FCN2: variants seen among roughly 807,000 people sequenced by gnomAD.
The protein encoded by FCN2 is ficolin 2, also known as ficolin-2.
In FCN2, 31 loss-of-function variants were observed where a neutral mutation model predicts 32.5. That is an observed-to-expected ratio of 0.96 (90% CI 0.72 to 1.29). FCN2 has a LOEUF of 1.29. Among genes scored for constraint, FCN2 ranks in the 50% most tolerant of loss-of-function variants. The probability of loss-of-function intolerance (pLI) is 0.00; values close to 1 mark genes in which losing one functional copy is unlikely to be tolerated. For missense variants in FCN2, 412 were observed against 406.5 expected, an observed-to-expected ratio of 1.01 and a Z score of -0.12; for synonymous variants, 181 against 164.5, an observed-to-expected ratio of 1.10 and a Z score of -0.77.
At chr9:134,873,475 C>T in the FCN2 span, among the ~76,000 whole-genome samples, 1 of 152,128 alleles carries the variant, frequency 6.6e-6, no homozygotes, top group Admixed American at 6.5e-5. Flanking sequence ...CCTTTTCCTC[C>T]CTGACCCTAA....
chr9:134,873,297 A>C, the FCN2 span, among the ~76,000 whole-genome samples: 1 of 152,294 alleles, frequency 6.6e-6, no homozygotes, highest in Admixed American at 6.5e-5. Flanking sequence ...GGAAGTCAGA[A>C]GCCTAAAATC....
the FCN2 span, among the ~76,000 whole-genome samples, chr9:134,868,055 A>G: frequency 1.3e-5 from 2 of 152,190 alleles, no homozygotes; most frequent in African/African-American, 4.8e-5. The surrounding 1 kb of genome is among the most constrained non-coding windows in gnomAD (Gnocchi z 4.3). Flanking sequence ...GACACACAGC[A>G]CTGAGGACAT....
the FCN2 span, among the ~76,000 whole-genome samples, chr9:134,874,620 A>G: frequency 6.6e-6 from 1 of 152,194 alleles, no homozygotes; most frequent in Non-Finnish European, 1.5e-5. Context: ...GATGCTTTAT[A>G]ATAATTCTTG....
At chr9:134,868,720 C>A in the FCN2 span, among the ~76,000 whole-genome samples, 7 of 152,218 alleles carry the variant, frequency 4.6e-5, no homozygotes, top group Non-Finnish European at 7.3e-5. This position sits in a 1 kb window ranked among gnomAD's most constrained non-coding sequence, Gnocchi z 4.3. Flanking sequence ...GCCATCAGTG[C>A]TTGCTTGCCT....
chr9:134,882,675 C>T (rs752345319), intron 2 of FCN2, 36 bp downstream of exon 2: 60 of 1,452,726 alleles, frequency 4.1e-5, no homozygotes, highest in Admixed American at 1.9e-4. Context: ...CTGGCTCTTG[C>T]TCTTTTTGAA....
upstream of FCN2, among the ~76,000 whole-genome samples, chr9:134,880,396 T>G (rs1830645576): frequency 6.6e-6 from 1 of 152,188 alleles, no homozygotes; most frequent in African/African-American, 2.4e-5. Flanking sequence ...CCCACACCAG[T>G]GGCCCATGAC....
At chr9:134,865,393 G>A in the FCN2 span, among the ~76,000 whole-genome samples, 1 of 152,220 alleles carries the variant, frequency 6.6e-6, no homozygotes, top group African/African-American at 2.4e-5. Flanking sequence ...GCTCGTGGTG[G>A]ACCAGGGGCC....
the FCN2 span, among the ~76,000 whole-genome samples, chr9:134,874,381 A>C: frequency 6.6e-6 from 1 of 151,986 alleles, no homozygotes; most frequent in Admixed American, 6.6e-5. Flanking sequence ...ATCTATTTCA[A>C]ATTCATTTTT....
At position 134,887,379 on chromosome 9, in the gene FCN2, C is replaced by T. The variant is rs1830775934; in HGVS notation, c.906C>T (p.Ser302=). The part of the protein sequence containing the change: ...NWKSGKGYNY[S]YKVSEMKVRP... ...AGTCGGGGAAAGGATACAATTATAG[C>T]TACAAGGTGTCAGAGATGAAGGTGC... Residue 302 remains serine, a synonymous_variant, in exon 8 of 8, where the codon AGC becomes AGT. Coordinates refer to ENST00000291744, the MANE Select transcript of FCN2 (RefSeq NM_004108.3). The T allele has an allele frequency of 4.3e-6, 7 of 1,614,012 alleles. No homozygotes were observed. The highest frequency in any genetic ancestry group is 1.7e-6 in the Non-Finnish European group (2 of 1,180,024).
chr9:134,882,565 C>T lies in FCN2; in HGVS notation c.140C>T (p.Thr47Ile), dbSNP rs570921802. ...GGCCTGGAGGGCTCTGACAAGCTCA[C>T]CATTCTCCGAGGCTGTCCGGGGCTG... is the stretch of plus-strand genomic sequence containing the variant. ...MVGLEGSDKL[T>I]ILRGCPGLPG... The change falls in exon 2 of 8, where the codon ACC (threonine) becomes ATC (isoleucine). Residue 47 changes from threonine (T) to isoleucine (I), a missense_variant. Transcript: ENST00000291744. 4 of 1,614,210 alleles carry T rather than the reference C, an allele frequency of 2.5e-6. No homozygotes were observed. The Admixed American group carries it at 6.7e-5, about 27-fold the overall frequency.
intron 1 of FCN2, 91 bp from the exon 2 acceptor site, chr9:134,882,435 G>T: frequency 9.6e-7 from 1 of 1,046,574 alleles, no homozygotes; most frequent in Non-Finnish European, 1.5e-6. Flanking sequence ...CACCAAGATG[G>T]CAGATGCCTT....
chr9:134,882,371 C>G (rs1830676224), intron 1 of FCN2, among the ~76,000 whole-genome samples, 155 bp from the exon 2 acceptor site: 2 of 152,242 alleles, frequency 1.3e-5, no homozygotes, highest in African/African-American at 4.8e-5. Flanking sequence ...TTCCAGGTGA[C>G]CCTCCAGCTG....
intron 2 of FCN2, 31 bp downstream of exon 2, chr9:134,882,670 T>A: frequency 6.7e-7 from 1 of 1,483,282 alleles, no homozygotes; most frequent in Non-Finnish European, 9.4e-7. Flanking sequence ...GGGCACTGGC[T>A]CTTGCTCTTT....
At chr9:134,885,143 C>G in intron 4 of FCN2, 96 bp from the exon 5 acceptor site, 1 of 1,535,010 alleles carries the variant, frequency 6.5e-7, no homozygotes, top group South Asian at 1.1e-5. Flanking sequence ...ATACAGACGC[C>G]TATGGCCCTG....
intron 5 of FCN2, 147 bp downstream of exon 5, chr9:134,885,513 T>A: frequency 7.1e-7 from 1 of 1,410,806 alleles, no homozygotes; most frequent in Non-Finnish European, 9.5e-7. Context: ...TGGGTAAAAG[T>A]CCAGGCCTTT....
the FCN2 span, among the ~76,000 whole-genome samples, chr9:134,868,082 G>A: frequency 6.6e-6 from 1 of 152,126 alleles, no homozygotes; most frequent in Non-Finnish European, 1.5e-5. This position sits in a 1 kb window ranked among gnomAD's most constrained non-coding sequence, Gnocchi z 4.3. Flanking sequence ...CCCCTAGATC[G>A]GGGTGGCCTC....
intron 7 of FCN2, 84 bp downstream of exon 7, chr9:134,886,648 C>A (rs997937278): frequency 2.0e-6 from 3 of 1,528,230 alleles, no homozygotes; most frequent in Non-Finnish European, 2.7e-6. Flanking sequence ...GTCCTGGTAG[C>A]CTTGTGGAAG....
At position 134,883,412 on chromosome 9, in the gene FCN2, G is replaced by A. The variant is rs1830695493; in HGVS notation, c.268+57G>A. 16 of 1,468,478 alleles carry A rather than the reference G, an allele frequency of 1.1e-5. 1 individual carries two copies. The South Asian group carries it at 1.7e-4, about 16-fold the overall frequency. 91.0% of individuals were successfully genotyped at this position (1,468,478 alleles called of 1,614,324 possible). A position where few individuals can be genotyped will look rare whatever the true frequency, so the allele number is the denominator to read the frequency against. Reference sequence around the variant, plus strand: ...CAAGGCCCTTCCAGACCTGGCTGCAGAGGAACGTGAGGCGGGTCTTCTGGG... The same window carrying A: ...CAAGGCCCTTCCAGACCTGGCTGCAAAGGAACGTGAGGCGGGTCTTCTGGG... On this transcript the variant is annotated intron_variant, in intron 3 of 7. Transcript: ENST00000291744.
At chr9:134,886,641 C>T in intron 7 of FCN2, 77 bp downstream of exon 7, 2 of 1,551,030 alleles carry the variant, frequency 1.3e-6, no homozygotes, top group Non-Finnish European at 1.8e-6. Flanking sequence ...GCTCAGTGTC[C>T]TGGTAGCCTT....
Sources: gnomAD v4.1 joint callset for allele counts (sites outside exome capture counted in the v4.1 genomes callset) on GRCh38, gnomAD v4.1.1 for gene constraint, Gnocchi (gnomAD v3.1) non-coding constraint, MANE v1.5 for transcripts, NCBI Gene and HGNC (gene_info 2026-07-23, HGNC 2026-07-21) for gene names.